Variants in LRP1B observed in about 807,000 individuals in gnomAD.
LRP1B encodes LDL receptor related protein 1B.
LRP1B carries 217 observed loss-of-function variants against 556.6 expected under a neutral mutation model. The observed-to-expected ratio is 0.39, with a 90% CI of 0.35 to 0.44. The LOEUF is 0.44. Among genes scored for constraint, LRP1B ranks in the 20% least tolerant of loss-of-function variants. The pLI is 1.00. For missense variants in LRP1B, 5,053 were observed against 5,620.8 expected (o/e 0.90, Z 3.23); for synonymous variants, 2,047 against 1,865.8 (o/e 1.10, Z -2.50).
At chr2:141,466,529 T>C (rs1239020275) in intron 3 of LRP1B, among the ~76,000 whole-genome samples, 1 of 152,214 alleles carries the variant, frequency 6.6e-6, no homozygotes, top group Non-Finnish European at 1.5e-5. Flanking sequence ...GTGTGTTAGT[T>C]AAAATCCTGA....
intron 81 of LRP1B, among the ~76,000 whole-genome samples, chr2:140,323,421 AGAG>A (rs1680267643): frequency 6.6e-6 from 1 of 151,928 alleles, no homozygotes; most frequent in Admixed American, 6.6e-5. Flanking sequence ...ATTAGTGGTA[AGAG>A]TCAAAATGGC....
intron 3 of LRP1B, among the ~76,000 whole-genome samples, chr2:141,410,959 T>A (rs894297347): frequency 2.0e-5 from 3 of 152,120 alleles, no homozygotes; most frequent in Non-Finnish European, 1.5e-5. Context: ...TATTTTTTTT[T>A]AAACTCTCCT....
At chr2:142,077,662 A>T (rs1213112176) in intron 1 of LRP1B, among the ~76,000 whole-genome samples, 1 of 152,134 alleles carries the variant, frequency 6.6e-6, no homozygotes. Flanking sequence ...GCTAAGAGAC[A>T]GTCAATGATA....
At chr2:141,181,182 C>T (rs1482416479) in intron 7 of LRP1B, among the ~76,000 whole-genome samples, 1 of 151,918 alleles carries the variant, frequency 6.6e-6, no homozygotes, top group Non-Finnish European at 1.5e-5. Flanking sequence ...ACAAACAGTA[C>T]TGTTTTTCAA....
chr2:141,464,623 G>A lies in LRP1B; in HGVS notation c.343+15773C>T, dbSNP rs1037891572. ...ATATATATATTTTTTTAGTAGAGAT[G>A]GGGTTTCACCGTGTTAGCCAGGATG... On this transcript the variant is annotated intron_variant, in intron 3 of 90. Transcript: ENST00000389484. 4.5e-4 allele frequency among the ~76,000 whole-genome samples: 27 copies of A among 60,444 alleles called. 1 individual carries two copies. The highest frequency in any genetic ancestry group is 1.3e-3 in the African/African-American group (25 of 19,890). The allele number at this position is 60,444 out of a possible 152,430, so 39.7% of individuals were successfully genotyped here.
At chr2:140,376,975 G>A (rs556246305) in intron 68 of LRP1B, among the ~76,000 whole-genome samples, 11 of 152,106 alleles carry the variant, frequency 7.2e-5, no homozygotes, top group Admixed American at 1.3e-4. Context: ...GTCAGCGGGC[G>A]GGCATTCATG....
At chr2:141,588,225 C>T (rs2105290292) in intron 2 of LRP1B, among the ~76,000 whole-genome samples, 1 of 149,250 alleles carries the variant, frequency 6.7e-6, no homozygotes, top group East Asian at 2.0e-4. Flanking sequence ...CTTCATTAAT[C>T]CCCAACTTAG....
intron 3 of LRP1B, among the ~76,000 whole-genome samples, chr2:141,414,317 AAG>A (rs1690998511): frequency 6.7e-6 from 1 of 149,298 alleles, no homozygotes; most frequent in Non-Finnish European, 1.5e-5. Flanking sequence ...AGAAAAAAGA[AAG>A]AGATAAAGAG....
chr2:140,237,140 T>C (rs1215910881), intron 89 of LRP1B, among the ~76,000 whole-genome samples: 9 of 150,904 alleles, frequency 6.0e-5, no homozygotes, highest in Non-Finnish European at 1.3e-4. Flanking sequence ...ACTGTGACTT[T>C]GTACCCATTG....
At chr2:140,266,868 AAGCC>A (rs1204629859) in intron 86 of LRP1B, among the ~76,000 whole-genome samples, 6 of 152,036 alleles carry the variant, frequency 3.9e-5, no homozygotes, top group Non-Finnish European at 4.4e-5. Flanking sequence ...AATTTTCTAA[AAGCC>A]ATTCATCTTC....
At chr2:140,537,311 G>A (rs13003116) in intron 45 of LRP1B, among the ~76,000 whole-genome samples, 74,898 of 150,120 alleles carry the variant, frequency 0.5, 18,994 homozygotes, top group East Asian at 0.61. Context: ...TTCTTACTGG[G>A]ATCTATTATA....
chr2:141,181,983 C>T (rs1033258683), intron 7 of LRP1B, among the ~76,000 whole-genome samples: 1 of 151,968 alleles, frequency 6.6e-6, no homozygotes, highest in African/African-American at 2.4e-5. Flanking sequence ...GAAACACATA[C>T]TTTCTCACCC....
intron 49 of LRP1B, among the ~76,000 whole-genome samples, chr2:140,519,160 C>G (rs1690045579): frequency 6.6e-6 from 1 of 152,110 alleles, no homozygotes; most frequent in Non-Finnish European, 1.5e-5. Flanking sequence ...CAAGACAATC[C>G]TAAGCAAAAA....
Position 140,902,905 on chromosome 2 carries a change from A to G in LRP1B, c.3766+15T>C, listed in dbSNP as rs559168892. 3.1e-6 allele frequency: 5 copies of G among 1,610,400 alleles called. No individual in the cohort carries two copies. The highest frequency in any genetic ancestry group is 1.3e-5 in the African/African-American group (1 of 74,962). ...TATTCTTAAATATAGCAACACACAC[A>G]AAATAGTTACTTACCAACACTTGTA... On this transcript the variant is annotated intron_variant, in intron 23 of 90. Transcript: ENST00000389484.
At chr2:140,600,329 C>G (rs1168491065) in intron 42 of LRP1B, among the ~76,000 whole-genome samples, 1 of 152,046 alleles carries the variant, frequency 6.6e-6, no homozygotes, top group Non-Finnish European at 1.5e-5. Context: ...GTGGTGGGAG[C>G]AGTCTCCCAA....
intron 41 of LRP1B, among the ~76,000 whole-genome samples, chr2:140,659,612 C>T (rs1179013345): frequency 1.3e-5 from 2 of 151,980 alleles, no homozygotes; most frequent in African/African-American, 4.8e-5. Context: ...ACATTCAACA[C>T]AGTAAATATA....
chr2:142,015,199 TATGTCCCA>T (rs1703079726), intron 1 of LRP1B, among the ~76,000 whole-genome samples: 1 of 152,066 alleles, frequency 6.6e-6, no homozygotes, highest in Non-Finnish European at 1.5e-5. Context: ...AAAGAGTAAG[TATGTCCCA>T]TTGTAACACC....
chr2:141,158,403 A>G (rs967232517), intron 7 of LRP1B, among the ~76,000 whole-genome samples: 5 of 152,170 alleles, frequency 3.3e-5, no homozygotes, highest in African/African-American at 9.7e-5. Context: ...AAGTGCATAG[A>G]AAAGGTGAAA....
At chr2:142,035,050 T>A (rs1174898595) in intron 1 of LRP1B, among the ~76,000 whole-genome samples, 1 of 151,808 alleles carries the variant, frequency 6.6e-6, no homozygotes, top group African/African-American at 2.4e-5. Context: ...TATACTGTAC[T>A]ATTCCTTTTT....
Sources: gnomAD v4.1 joint callset for allele counts (sites outside exome capture counted in the v4.1 genomes callset) on GRCh38, gnomAD v4.1.1 for gene constraint, MANE v1.5 for transcripts, NCBI Gene and HGNC (gene_info 2026-07-23, HGNC 2026-07-21) for gene names.